The following CSRNP3 variants were observed in gnomAD, a reference collection of about 807,000 sequenced individuals.
CSRNP3 encodes cysteine/serine-rich nuclear protein 3.
Under a neutral mutation model 48.0 loss-of-function variants are expected in CSRNP3, and 12 were observed. That is an observed-to-expected ratio of 0.25 (90% CI 0.16 to 0.41). The LOEUF (loss-of-function observed/expected upper bound fraction) is 0.41, where lower values mean the gene tolerates loss of function less well. Ranked by LOEUF, CSRNP3 falls within the 10% of genes least tolerant of loss-of-function variation. The pLI is 1.00. For missense variants in CSRNP3, 580 were observed against 724.4 expected (o/e 0.80, Z 2.29); for synonymous variants, 263 against 269.7 (o/e 0.98, Z 0.24).
chr2:165,597,511 G>A (rs1002908469), intron 4 of CSRNP3, among the ~76,000 whole-genome samples: 1 of 151,906 alleles, frequency 6.6e-6, no homozygotes, highest in African/African-American at 2.4e-5. Context: ...TTAATAATGA[G>A]GAAAGTTACA....
chr2:165,557,604 C>T (rs1877874), intron 3 of CSRNP3, among the ~76,000 whole-genome samples: 42,785 of 152,050 alleles, frequency 0.28, 6,298 homozygotes, highest in Admixed American at 0.33. Context: ...GAGGAGGGAG[C>T]TCCCCCCACA....
intron 4 of CSRNP3, among the ~76,000 whole-genome samples, chr2:165,626,615 T>C (rs1466527814): frequency 2.0e-5 from 3 of 152,206 alleles, no homozygotes; most frequent in Non-Finnish European, 4.4e-5. Flanking sequence ...TGCAGTTTCT[T>C]TTGCCACTCT....
chr2:165,664,557 T>C (rs763807283), intron 5 of CSRNP3, among the ~76,000 whole-genome samples: 19 of 152,234 alleles, frequency 1.2e-4, no homozygotes, highest in Non-Finnish European at 2.1e-4. Flanking sequence ...TTATGGGCTC[T>C]ATATGTTTCT....
chr2:165,646,736 C>T (rs1207066481), intron 4 of CSRNP3, among the ~76,000 whole-genome samples: 1 of 152,030 alleles, frequency 6.6e-6, no homozygotes, highest in Non-Finnish European at 1.5e-5. Flanking sequence ...TTTAATGTGT[C>T]TTTGACATCA....
At position 165,550,529 on chromosome 2, in the gene CSRNP3, A is replaced by T. The variant is rs112965962; in HGVS notation, c.-24+32568A>T. Among the ~76,000 whole-genome samples the T allele has an allele frequency of 9.3e-4, 141 of 152,338 alleles. 2 individuals are homozygous for T. Among genetic ancestry groups the T allele is most frequent in the Middle Eastern group, 6.8e-3 (2 of 294 alleles). ...GCTGTTCTAATTTGCTTTATGTTTC[A>T]CATAAATGTGAACTAAAATATGCTT... On this transcript the variant is annotated intron_variant, in intron 3 of 6. Transcript: ENST00000651982.
In CSRNP3 at chr2:165,685,410, T is replaced by C. The variant is rs575043185; in HGVS notation, c.*5657T>C. 7.7e-4 allele frequency: 117 copies of C among 152,202 alleles called. 1 individual carries two copies. Among genetic ancestry groups the C allele is most frequent in the African/African-American group, 2.6e-3 (110 of 41,580 alleles). 9.4% of individuals were successfully genotyped at this position (152,202 alleles called of 1,614,324 possible). A position where few individuals can be genotyped will look rare whatever the true frequency, so the allele number is the denominator to read the frequency against. ...AGGCTAGTCTAAGTCTGTGCTGTCT[T>C]GGCATGCCTTGGGTTTCCTATCCTG... On this transcript the variant is annotated 3_prime_UTR_variant, in exon 7 of 7. Transcript: ENST00000651982.
chr2:165,621,919 T>C (rs1686346880), intron 4 of CSRNP3, among the ~76,000 whole-genome samples: 1 of 152,196 alleles, frequency 6.6e-6, no homozygotes, highest in Non-Finnish European at 1.5e-5. Flanking sequence ...TATTTTGTTC[T>C]TTAGAGCATT....
chr2:165,601,918 T>C (rs997410370), intron 4 of CSRNP3, among the ~76,000 whole-genome samples: 56 of 152,214 alleles, frequency 3.7e-4, no homozygotes, highest in African/African-American at 1.3e-3. Context: ...AAGATTTAGA[T>C]TTAATTTCAA....
At chr2:165,572,182 A>G (rs574951549) in intron 3 of CSRNP3, among the ~76,000 whole-genome samples, 8 of 152,268 alleles carry the variant, frequency 5.3e-5, no homozygotes, top group Non-Finnish European at 1.0e-4. Context: ...AGGGATTTCC[A>G]TAAGTTGTGC....
chr2:165,647,689 C>T (rs145544442), intron 4 of CSRNP3, among the ~76,000 whole-genome samples: 154 of 152,234 alleles, frequency 1.0e-3, no homozygotes, highest in Middle Eastern at 3.4e-3. Flanking sequence ...CAGTAGAAAC[C>T]GTACTTTGAG....
rs1223439819 is a variant in CSRNP3 at position 165,512,223 on chromosome 2, AT to A, written c.-112-5649del. On this transcript the variant is annotated intron_variant, in intron 2 of 6. Coordinates refer to ENST00000651982, the MANE Select transcript of CSRNP3 (RefSeq NM_001172173.2). ...GGTAGAACTTGAAACATGTTTTTCA[AT>A]CCCTTCTGTGGTAATCTGTCTAGTC... Among the ~76,000 whole-genome samples the A allele has an allele frequency of 5.9e-5, 9 of 152,100 alleles. No homozygotes were observed. In the East Asian group the frequency reaches 1.5e-3, roughly 26 times the overall value.
intron 2 of CSRNP3, among the ~76,000 whole-genome samples, chr2:165,507,668 A>G (rs905183252): frequency 3.3e-5 from 5 of 152,100 alleles, no homozygotes; most frequent in East Asian, 3.9e-4. Context: ...AAACAGACCA[A>G]TTTGGGGTCA....
intron 3 of CSRNP3, among the ~76,000 whole-genome samples, chr2:165,532,529 T>C (rs559936463): frequency 6.6e-6 from 1 of 152,114 alleles, no homozygotes; most frequent in Non-Finnish European, 1.5e-5. Flanking sequence ...CTAAAAACTT[T>C]CAATAAATTA....
chr2:165,547,385 C>T (rs1482193119), intron 3 of CSRNP3, among the ~76,000 whole-genome samples: 2 of 152,102 alleles, frequency 1.3e-5, no homozygotes, highest in African/African-American at 2.4e-5. Flanking sequence ...AACAAAAATA[C>T]TGTATCACCA....
chr2:165,678,441 G>A (rs1687465725), intron 6 of CSRNP3, among the ~76,000 whole-genome samples: 1 of 152,060 alleles, frequency 6.6e-6, no homozygotes, highest in South Asian at 2.1e-4. Context: ...GCCATGGAGT[G>A]GGTCAGTGAA....
chr2:165,674,624 A>T (rs1018673429), intron 5 of CSRNP3, among the ~76,000 whole-genome samples: 7 of 145,390 alleles, frequency 4.8e-5, no homozygotes, highest in Admixed American at 3.5e-4. Context: ...TATATATATA[A>T]ATAAAATATA....
rs1031203017 is a variant in CSRNP3, at chr2:165,685,979, T to A, written c.*6226T>A. ...TAGAAAGGGTTAGAAGGAGACAAAT[T>A]TATGGTAGAAATTAGCCTTGCCATT... On this transcript the variant is annotated 3_prime_UTR_variant, in exon 7 of 7. Transcript: ENST00000651982. 1 of 152,070 alleles carries A rather than the reference T, an allele frequency of 6.6e-6. No individual in the cohort carries two copies. The highest frequency in any genetic ancestry group is 1.5e-5 in the Non-Finnish European group (1 of 67,972). 9.4% of individuals were successfully genotyped at this position (152,070 alleles called of 1,614,324 possible).
chr2:165,532,751 G>A (rs1684831307), intron 3 of CSRNP3, among the ~76,000 whole-genome samples: 1 of 152,116 alleles, frequency 6.6e-6, no homozygotes, highest in South Asian at 2.1e-4. Context: ...ATTCAATTAG[G>A]AAAAGAGGAA....
At chr2:165,518,843 C>A (rs1684613970) in intron 3 of CSRNP3, among the ~76,000 whole-genome samples, 1 of 151,926 alleles carries the variant, frequency 6.6e-6, no homozygotes, top group Non-Finnish European at 1.5e-5. Flanking sequence ...AAGCAATGGG[C>A]TAAACACTTT....
Sources: allele counts gnomAD v4.1 joint callset (sites outside exome capture counted in the v4.1 genomes callset), GRCh38; gene constraint gnomAD v4.1.1; transcripts MANE v1.5; gene names NCBI Gene and HGNC (gene_info 2026-07-23, HGNC 2026-07-21).